Variants in PIAS2 observed in about 807,000 individuals in gnomAD.
PIAS2 encodes E3 SUMO-protein ligase PIAS2.
Under a neutral mutation model 69.7 loss-of-function variants are expected in PIAS2, and 19 were observed. That is an observed-to-expected ratio of 0.27 (90% CI 0.19 to 0.40). The LOEUF is 0.40. PIAS2 is among the 10% of genes least tolerant of loss of function. The probability of loss-of-function intolerance (pLI) is 1.00; values close to 1 mark genes in which losing one functional copy is unlikely to be tolerated. For synonymous variants in PIAS2, 261 were observed against 263.2 expected (o/e 0.99, Z 0.08); for missense variants, 624 against 757.0 (o/e 0.82, Z 2.06).
chr18:46,909,891 ACACAGTAGCT>A (rs1236212930), intron 1 of PIAS2, among the ~76,000 whole-genome samples: 1 of 152,148 alleles, frequency 6.6e-6, no homozygotes, highest in Non-Finnish European at 1.5e-5. Flanking sequence ...GGATGGCCAG[ACACAGTAGCT>A]CACACCTGTG....
Position 46,867,522 on chromosome 18 carries a change from C to T in PIAS2, c.500-3274G>A, listed in dbSNP as rs73437146. Reference sequence around the variant, plus strand: ...TGCAGGTTTTGCAGTTTATTTTCTCCCCATTGTCTACAATTTGGGAATCAG... The same window carrying T: ...TGCAGGTTTTGCAGTTTATTTTCTCTCCATTGTCTACAATTTGGGAATCAG... On this transcript the variant is annotated intron_variant, in intron 2 of 13. Coordinates refer to ENST00000585916, the MANE Select transcript of PIAS2 (RefSeq NM_004671.5). Among the ~76,000 whole-genome samples, 574 of 152,176 alleles carry T rather than the reference C, an allele frequency of 3.8e-3. 5 individuals carry two copies. The highest frequency in any genetic ancestry group is 0.013 in the African/African-American group (555 of 41,522).
chr18:46,835,670 A>G (rs2044321819), intron 9 of PIAS2, among the ~76,000 whole-genome samples: 1 of 152,188 alleles, frequency 6.6e-6, no homozygotes, highest in African/African-American at 2.4e-5. Flanking sequence ...AATCATATGT[A>G]TATATTAATA....
upstream of PIAS2, chr18:46,917,620 G>T (rs2058141926): frequency 1.1e-6 from 1 of 912,126 alleles, no homozygotes; most frequent in Non-Finnish European, 1.3e-6. Context: ...CGGCGACAGC[G>T]CCCGCCCGCG....
At chr18:46,916,318 A>T (rs2057883264) in intron 1 of PIAS2, among the ~76,000 whole-genome samples, 1 of 152,186 alleles carries the variant, frequency 6.6e-6, no homozygotes, top group Non-Finnish European at 1.5e-5. Flanking sequence ...TATTTGAAAA[A>T]GAAATCCTAA....
chr18:46,813,095 T>C (rs1442040596), intron 13 of PIAS2, among the ~76,000 whole-genome samples: 1 of 152,176 alleles, frequency 6.6e-6, no homozygotes, highest in Non-Finnish European at 1.5e-5. Context: ...GCTGACCAGC[T>C]GAATGATGGC....
chr18:46,880,722 T>C (rs960943096), intron 2 of PIAS2, among the ~76,000 whole-genome samples: 3 of 152,262 alleles, frequency 2.0e-5, no homozygotes, highest in South Asian at 2.1e-4. Flanking sequence ...TCTCATACAG[T>C]TGTAACAGAA....
intron 2 of PIAS2, among the ~76,000 whole-genome samples, chr18:46,872,625 G>A (rs186895122): frequency 6.6e-6 from 1 of 152,160 alleles, no homozygotes; most frequent in South Asian, 2.1e-4. Flanking sequence ...GGAAAGCTCC[G>A]ATCTGTGGAA....
chr18:46,899,885 G>T (rs1465785934), intron 1 of PIAS2, among the ~76,000 whole-genome samples: 1 of 152,130 alleles, frequency 6.6e-6, no homozygotes, highest in East Asian at 1.9e-4. Context: ...AGAAAACACA[G>T]ATCTCATCCT....
At chr18:46,886,841 CCT>C (rs926986316) in intron 2 of PIAS2, among the ~76,000 whole-genome samples, 3 of 151,320 alleles carry the variant, frequency 2.0e-5, no homozygotes, top group African/African-American at 7.3e-5. Flanking sequence ...CTGTCCCCCC[CCT>C]CCAAAAAAAA....
Position 46,805,834 on chromosome 18 carries a change from G to A in PIAS2, c.*6599C>T, listed in dbSNP as rs1376517531. On this transcript the variant is annotated 3_prime_UTR_variant, in exon 14 of 14. Transcript: ENST00000585916. ...ATTTAAAAGACTGCAGAAAAACCAG[G>A]AATGAGCCTCATGGATGCTTCATTT... 6.6e-6 allele frequency: 1 copy of A among 152,188 alleles called. No homozygotes were observed. The highest frequency in any genetic ancestry group is 2.4e-5 in the African/African-American group (1 of 41,436). 9.4% of individuals were successfully genotyped at this position (152,188 alleles called of 1,614,324 possible). A position where few individuals can be genotyped will look rare whatever the true frequency, so the allele number is the denominator to read the frequency against.
At chr18:46,861,557 T>A (rs1345625046) in intron 3 of PIAS2, among the ~76,000 whole-genome samples, 1 of 151,754 alleles carries the variant, frequency 6.6e-6, no homozygotes, top group Non-Finnish European at 1.5e-5. Context: ...AAGGTTAACA[T>A]CACCAAAAAT....
At chr18:46,898,775 C>G (rs1162478054) in intron 1 of PIAS2, among the ~76,000 whole-genome samples, 1 of 152,082 alleles carries the variant, frequency 6.6e-6, no homozygotes, top group Non-Finnish European at 1.5e-5. Flanking sequence ...AGGTGGATCA[C>G]CTGAGGTCAG....
chr18:46,885,794 G>A (rs996743264), intron 2 of PIAS2, among the ~76,000 whole-genome samples: 1 of 152,128 alleles, frequency 6.6e-6, no homozygotes, highest in Admixed American at 6.5e-5. Context: ...TCTAACTGAA[G>A]CTACGACCAA....
At chr18:46,864,582 C>T (rs1262887173) in intron 2 of PIAS2, among the ~76,000 whole-genome samples, 1 of 152,102 alleles carries the variant, frequency 6.6e-6, no homozygotes, top group Admixed American at 6.6e-5. Context: ...ACCAGCCTGA[C>T]CAACATGGAG....
At chr18:46,876,121 G>A (rs1205928161) in intron 2 of PIAS2, among the ~76,000 whole-genome samples, 7 of 152,174 alleles carry the variant, frequency 4.6e-5, no homozygotes, top group South Asian at 2.1e-4. Context: ...GTATTGTGGC[G>A]GACCATCACT....
intron 1 of PIAS2, among the ~76,000 whole-genome samples, chr18:46,909,864 T>C (rs1263273238): frequency 1.3e-5 from 2 of 152,106 alleles, no homozygotes; most frequent in Admixed American, 6.6e-5. Flanking sequence ...TTTCAAACAT[T>C]TGGATTTAAG....
At chr18:46,823,352 C>T (rs941195550) in intron 11 of PIAS2, among the ~76,000 whole-genome samples, 1 of 152,058 alleles carries the variant, frequency 6.6e-6, no homozygotes, top group African/African-American at 2.4e-5. Flanking sequence ...CCTTCTCTTC[C>T]TTTGCTATTT....
chr18:46,804,673 T>A lies in PIAS2; in HGVS notation c.*7760A>T, dbSNP rs543356866. On this transcript the variant is annotated 3_prime_UTR_variant, in exon 14 of 14. Transcript: ENST00000585916. ...ATTTCTCCACATTACTTCTATTAAA[T>A]CATTGAGGTGCCTCATTTACATGCT... 5.9e-5 allele frequency: 9 copies of A among 152,308 alleles called. No individual in the cohort carries two copies. The South Asian group carries it at 1.9e-3, about 32-fold the overall frequency. The allele number at this position is 152,308 out of a possible 1,614,324, so 9.4% of individuals were successfully genotyped here. A position where few individuals can be genotyped will look rare whatever the true frequency, so the allele number is the denominator to read the frequency against.
intron 2 of PIAS2, among the ~76,000 whole-genome samples, chr18:46,879,612 C>T (rs1161765901): frequency 6.6e-6 from 1 of 152,176 alleles, no homozygotes; most frequent in Non-Finnish European, 1.5e-5. Context: ...TGTATACTCA[C>T]AGTCATAGCA....
Sources: gnomAD v4.1 joint callset for allele counts (sites outside exome capture counted in the v4.1 genomes callset) on GRCh38, gnomAD v4.1.1 for gene constraint, MANE v1.5 for transcripts, NCBI Gene and HGNC (gene_info 2026-07-23, HGNC 2026-07-21) for gene names.